SPNS1: variants seen among roughly 807,000 people sequenced by gnomAD.
SPNS1 encodes the protein SPNS lysolipid transporter 1, lysophospholipid.
A neutral mutation model predicts 50.3 loss-of-function variants in SPNS1; 22 were observed. That is an observed-to-expected ratio of 0.44 (90% CI 0.31 to 0.62). SPNS1 has a LOEUF of 0.62. SPNS1 is among the 20% of genes least tolerant of loss of function. SPNS1 has a pLI of 0.07. For synonymous variants in SPNS1, 295 were observed against 317.4 expected (o/e 0.93, Z 0.75); for missense variants, 576 against 728.6 (o/e 0.79, Z 2.41).
Position 28,981,951 on chromosome 16 carries a change from C to T in SPNS1, c.860C>T (p.Thr287Met), listed in dbSNP as rs1256406221. 11 of 1,614,244 alleles carry T rather than the reference C, an allele frequency of 6.8e-6. No individual in the cohort carries two copies. The highest frequency in any genetic ancestry group is 2.2e-5 in the East Asian group (1 of 44,886). ...SLGFTAVAFV[T>M]GSLALWAPAF... is the part of the protein sequence containing the mutation. ...GGCTTCACTGCTGTGGCCTTTGTCACGGGCTCCCTGGCTCTGTGGGCTCCG... is the reference window on the plus strand; with the variant it reads ...GGCTTCACTGCTGTGGCCTTTGTCATGGGCTCCCTGGCTCTGTGGGCTCCG... The change falls in exon 7 of 12, where the codon ACG becomes ATG. Residue 287 changes from threonine to methionine, a missense_variant. Physicochemically the swap from Thr to Met is moderately conservative, Grantham distance 81. Around this residue, in one of 3 missense-constraint regions of SPNS1, gnomAD observed 428 missense variants for 520.1 expected, o/e 0.82. Coordinates refer to ENST00000311008, the MANE Select transcript of SPNS1 (RefSeq NM_032038.3). The surrounding 1 kb of genome is among the most constrained non-coding windows in gnomAD (Gnocchi z 4.2).
chr16:28,979,361 A>G, intron 4 of SPNS1, 44 bp from the exon 5 acceptor site: 1 of 1,613,730 alleles, frequency 6.2e-7, no homozygotes, highest in Non-Finnish European at 8.5e-7. Flanking sequence ...GGGGGACTGG[A>G]CTGACTGGCT....
In SPNS1 at chr16:28,984,197, C is replaced by T; in HGVS notation, c.1493-8C>T. On this transcript the variant is annotated splice_polypyrimidine_tract_variant and splice_region_variant and intron_variant, in intron 11 of 11. Transcript: ENST00000311008. ...CAGCTCACCCTGGCTCTGACCCTCCCCCCTCAGGCCTGCTGCACGAAGCAG... is the reference window on the plus strand; with the variant it reads ...CAGCTCACCCTGGCTCTGACCCTCCTCCCTCAGGCCTGCTGCACGAAGCAG... 2 of 1,554,848 alleles carry T rather than the reference C, an allele frequency of 1.3e-6. No individual in the cohort carries two copies. Among genetic ancestry groups the T allele is most frequent in the Non-Finnish European group, 1.7e-6 (2 of 1,149,336 alleles).
At chr16:28,980,492 C>T (rs1213353746) in intron 5 of SPNS1, 1 of 152,046 alleles carries the variant, frequency 6.6e-6, no homozygotes, top group Non-Finnish European at 1.5e-5. Context: ...TGGCTGCCCT[C>T]ACCTGGAAGC....
chr16:28,984,613 C>G (rs1487781460), downstream of SPNS1: 2 of 611,456 alleles, frequency 3.3e-6, no homozygotes, highest in Non-Finnish European at 2.9e-6. Flanking sequence ...CCCCAGGGCT[C>G]CTGAAGACTG....
At position 28,977,970 on chromosome 16, in the gene SPNS1, C is replaced by A; in HGVS notation, c.370C>A (p.Arg124=). The change falls in exon 3 of 12, where the codon CGG becomes AGG. Residue 124 remains arginine (R), a synonymous_variant. Transcript: ENST00000311008. Reference sequence around the variant, plus strand: ...TGGCTACCTGGGTGACAGGTACAATCGGAAGTATCTCATGTGCGGGGGCAT... The same window carrying A: ...TGGCTACCTGGGTGACAGGTACAATAGGAAGTATCTCATGTGCGGGGGCAT... ...VFGYLGDRYN[R]KYLMCGGIAF... is the part of the protein sequence containing the mutation. 6.2e-7 allele frequency: 1 copy of A among 1,613,872 alleles called. No homozygotes were observed. The highest frequency in any genetic ancestry group is 1.1e-5 in the South Asian group (1 of 91,072).
At position 28,977,775 on chromosome 16, in the gene SPNS1, G is replaced by A. The variant is rs562179771; in HGVS notation, c.308-133G>A. On this transcript the variant is annotated intron_variant, in intron 2 of 11. Coordinates refer to ENST00000311008, the MANE Select transcript of SPNS1 (RefSeq NM_032038.3). ...TGACAGGAAGCTCTGATGGGCTTCA[G>A]GCTGGGATGTGGGGGTGTTGTGAAT... 64 of 1,154,734 alleles carry A rather than the reference G, an allele frequency of 5.5e-5. No individual in the cohort carries two copies. In the African/African-American group the frequency reaches 9.7e-4, roughly 18 times the overall value. The allele number at this position is 1,154,734 out of a possible 1,614,324, so 71.5% of individuals were successfully genotyped here.
chr16:28,978,366 C>T (rs1471829622), intron 3 of SPNS1: 2 of 248,532 alleles, frequency 8.0e-6, no homozygotes, highest in Non-Finnish European at 7.9e-6. Context: ...GCCCCTAGAG[C>T]GTGGTGCCAG....
intron 3 of SPNS1, chr16:28,978,489 G>T (rs1965422126): frequency 6.1e-6 from 1 of 163,408 alleles, no homozygotes; most frequent in Admixed American, 6.0e-5. Flanking sequence ...CACGGACCCT[G>T]CTCTTGCCAA....
At chr16:28,984,150 T>C (rs1006035099) in intron 11 of SPNS1, 55 bp from the exon 12 acceptor site, 1 of 1,514,604 alleles carries the variant, frequency 6.6e-7, no homozygotes, top group African/African-American at 1.4e-5. Context: ...TGCCCTTCTC[T>C]GGCTTTGTCT....
rs1378099415 is a variant in SPNS1 at position 28,981,696 on chromosome 16, C to G, written c.809+81C>G. Reference sequence around the variant, plus strand: ...GGTTTAAGTGGGGATGTTCCTGTTCCTGGCCACACCCCAAGGCCAGTAATT... The same window carrying G: ...GGTTTAAGTGGGGATGTTCCTGTTCGTGGCCACACCCCAAGGCCAGTAATT... On this transcript the variant is annotated intron_variant, in intron 6 of 11. Coordinates refer to ENST00000311008, the MANE Select transcript of SPNS1 (RefSeq NM_032038.3). This position sits in a 1 kb window ranked among gnomAD's most constrained non-coding sequence, Gnocchi z 4.2. 1.7e-5 allele frequency: 26 copies of G among 1,567,850 alleles called. No homozygotes were observed. The East Asian group carries it at 5.4e-4, about 33-fold the overall frequency.
chr16:28,984,440 GT>G lies in SPNS1; in HGVS notation c.*142del. 1 of 828,876 alleles carries G rather than the reference GT, an allele frequency of 1.2e-6. No homozygotes were observed. Among genetic ancestry groups the G allele is most frequent in the Non-Finnish European group, 2.0e-6 (1 of 500,464 alleles). The allele number at this position is 828,876 out of a possible 1,614,324, so 51.3% of individuals were successfully genotyped here. On this transcript the variant is annotated 3_prime_UTR_variant, in exon 12 of 12. Coordinates refer to ENST00000311008, the MANE Select transcript of SPNS1 (RefSeq NM_032038.3). ...GTGCCAGCTCCCAGACACTACCTGG[GT>G]AGCTCAGGGGAGGAGGTGGGGGTCC...
At position 28,983,075 on chromosome 16, in the gene SPNS1, C is replaced by T; in HGVS notation, c.1222-117C>T. The T allele has an allele frequency of 8.3e-7, 1 of 1,204,396 alleles. No homozygotes were observed. The highest frequency in any genetic ancestry group is 1.5e-5 in the African/African-American group (1 of 66,746). 74.6% of individuals were successfully genotyped at this position (1,204,396 alleles called of 1,614,324 possible). On this transcript the variant is annotated intron_variant, in intron 9 of 11. Transcript: ENST00000311008. The surrounding 1 kb of genome is among the most constrained non-coding windows in gnomAD (Gnocchi z 5.4). ...AGACCCCCGGCCTGCCCTGCGACCT[C>T]AACCCCAGGCACACCTCTGACCCCG... is the stretch of plus-strand genomic sequence containing the variant.
chr16:28,983,326 G>T lies in SPNS1; in HGVS notation c.1320+36G>T. 1 of 1,557,204 alleles carries T rather than the reference G, an allele frequency of 6.4e-7. No homozygotes were observed. The highest frequency in any genetic ancestry group is 8.9e-7 in the Non-Finnish European group (1 of 1,128,240). On this transcript the variant is annotated intron_variant, in intron 10 of 11. Transcript: ENST00000311008. This position sits in a 1 kb window ranked among gnomAD's most constrained non-coding sequence, Gnocchi z 5.4. ...TTTCTTGGCTGGCATGGGGTGGCTG[G>T]TGTCCTGAGCCTGGGCTGGATCAGA...
At chr16:28,982,743 G>C (rs1446063527) in intron 8 of SPNS1, 114 bp from the exon 9 acceptor site, 52 of 1,311,226 alleles carry the variant, frequency 4.0e-5, no homozygotes, top group Non-Finnish European at 4.1e-5. Context: ...AGTAGCACCT[G>C]TCTCACTGGG....
In SPNS1 at chr16:28,981,510, T is replaced by G; in HGVS notation, c.704T>G (p.Phe235Cys). The part of the protein sequence containing the change: ...GLGVVAVLLL[F>C]LVVREPPRGA... ...GGAGTGGTGGCCGTTCTGCTGCTGTTCCTGGTAGTGCGGGAGCCGCCAAGG... is the reference window on the plus strand; with the variant it reads ...GGAGTGGTGGCCGTTCTGCTGCTGTGCCTGGTAGTGCGGGAGCCGCCAAGG... Residue 235 changes from phenylalanine (F) to cysteine (C), a missense_variant, in exon 6 of 12, where the codon TTC becomes TGC. Coordinates refer to ENST00000311008, the MANE Select transcript of SPNS1 (RefSeq NM_032038.3). The surrounding 1 kb of genome is among the most constrained non-coding windows in gnomAD (Gnocchi z 4.2). The G allele has an allele frequency of 1.2e-6, 2 of 1,614,116 alleles. No individual in the cohort carries two copies. The highest frequency in any genetic ancestry group is 1.7e-6 in the Non-Finnish European group (2 of 1,180,022).
In SPNS1 at chr16:28,982,053, A is replaced by G; in HGVS notation, c.962A>G (p.Asp321Gly). ...CCCGGAGACTCCTGCTCTTCCTCTGACAGGTGCCCAGATGGGGCTATGCTG... is the reference window on the plus strand; with the variant it reads ...CCCGGAGACTCCTGCTCTTCCTCTGGCAGGTGCCCAGATGGGGCTATGCTG... The part of the protein sequence containing the change: ...CLPGDSCSSS[D>G]SLIFGLITCL... Residue 321 changes from aspartate to glycine, a missense_variant, in exon 7 of 12, where the codon GAC becomes GGC. Physicochemically the swap from Asp to Gly is moderately conservative, Grantham distance 94. Coordinates refer to ENST00000311008, the MANE Select transcript of SPNS1 (RefSeq NM_032038.3). The G allele has an allele frequency of 6.2e-7, 1 of 1,613,796 alleles. No homozygotes were observed. The highest frequency in any genetic ancestry group is 8.5e-7 in the Non-Finnish European group (1 of 1,179,916).
rs759494087 is a variant in SPNS1 at position 28,983,163 on chromosome 16, T to C, written c.1222-29T>C. On this transcript the variant is annotated intron_variant, in intron 9 of 11. Transcript: ENST00000311008. The surrounding 1 kb of genome is among the most constrained non-coding windows in gnomAD (Gnocchi z 5.4). ...CTCCTGCCCCCTGGAGCCCAGAGCA[T>C]CCACTGAGCTCCACCAACTCCTCCA... The C allele has an allele frequency of 1.3e-6, 2 of 1,550,970 alleles. No homozygotes were observed. The highest frequency in any genetic ancestry group is 1.1e-5 in the South Asian group (1 of 89,766).
In SPNS1 at chr16:28,982,062, C is replaced by A. The variant is rs1310618764; in HGVS notation, c.965+6C>A. The A allele has an allele frequency of 6.2e-7, 1 of 1,613,536 alleles. No homozygotes were observed. On this transcript the variant is annotated splice_donor_region_variant and intron_variant, in intron 7 of 11. Transcript: ENST00000311008. Reference sequence around the variant, plus strand: ...TCCTGCTCTTCCTCTGACAGGTGCCCAGATGGGGCTATGCTGGGGGGCCTG... The same window carrying A: ...TCCTGCTCTTCCTCTGACAGGTGCCAAGATGGGGCTATGCTGGGGGGCCTG...
chr16:28,983,096 C>A lies in SPNS1; in HGVS notation c.1222-96C>A. On this transcript the variant is annotated intron_variant, in intron 9 of 11. Transcript: ENST00000311008. This position sits in a 1 kb window ranked among gnomAD's most constrained non-coding sequence, Gnocchi z 5.4. The stretch of plus-strand genomic sequence containing the variant: ...ACCTCAACCCCAGGCACACCTCTGA[C>A]CCCGGCCTAGGCGGATCCTTGGTGG... 1 of 1,248,760 alleles carries A rather than the reference C, an allele frequency of 8.0e-7. No individual in the cohort carries two copies. Among genetic ancestry groups the A allele is most frequent in the Non-Finnish European group, 1.2e-6 (1 of 864,764 alleles). The allele number at this position is 1,248,760 out of a possible 1,614,324, so 77.4% of individuals were successfully genotyped here. A position where few individuals can be genotyped will look rare whatever the true frequency, so the allele number is the denominator to read the frequency against.
Sources: allele counts gnomAD v4.1 joint callset, GRCh38; gene constraint gnomAD v4.1.1; regional missense constraint gnomAD v4.1.1; non-coding constraint Gnocchi (gnomAD v3.1); transcripts MANE v1.5; gene names NCBI Gene and HGNC (gene_info 2026-07-23, HGNC 2026-07-21).